The following RPS6KA2 variants were observed in gnomAD, a reference collection of about 807,000 sequenced individuals.
RPS6KA2 encodes the protein ribosomal protein S6 kinase A2.
In RPS6KA2, 42 loss-of-function variants were observed where a neutral mutation model predicts 91.8. The observed-to-expected ratio is 0.46, with a 90% confidence interval of 0.36 to 0.59. The LOEUF (loss-of-function observed/expected upper bound fraction) is 0.59, where lower values mean the gene tolerates loss of function less well. Ranked by LOEUF, RPS6KA2 falls within the 20% of genes least tolerant of loss-of-function variation. The probability of loss-of-function intolerance (pLI) is 0.00; values close to 1 mark genes in which losing one functional copy is unlikely to be tolerated. For synonymous variants in RPS6KA2, 414 were observed against 393.6 expected, an observed-to-expected ratio of 1.05 and a Z score of -0.61; for missense variants, 798 against 978.5, an observed-to-expected ratio of 0.82 and a Z score of 2.46.
At chr6:166,456,567 C>A (rs766819523) in intron 12 of RPS6KA2, among the ~76,000 whole-genome samples, 2 of 152,202 alleles carry the variant, frequency 1.3e-5, no homozygotes, top group Non-Finnish European at 2.9e-5. Flanking sequence ...CCAGCTTGAG[C>A]GCTGGCTGAA....
intron 2 of RPS6KA2, among the ~76,000 whole-genome samples, chr6:166,857,134 G>T (rs1189168527): frequency 6.6e-6 from 1 of 152,224 alleles, no homozygotes; most frequent in African/African-American, 2.4e-5. Context: ...GCATTGGTGT[G>T]CATAGGTTTA....
chr6:166,642,663 C>A (rs9348162), intron 2 of RPS6KA2, among the ~76,000 whole-genome samples: 52 of 151,892 alleles, frequency 3.4e-4, no homozygotes, highest in Non-Finnish European at 7.1e-4. Flanking sequence ...GTGTAATTGC[C>A]AAACTAATAG....
intron 2 of RPS6KA2, among the ~76,000 whole-genome samples, chr6:166,535,424 A>T (rs552232804): frequency 6.6e-6 from 1 of 152,380 alleles, no homozygotes; most frequent in Admixed American, 6.5e-5. Flanking sequence ...ACATGTTCTT[A>T]TCATGCTACC....
chr6:166,767,038 C>T lies in RPS6KA2; in HGVS notation c.123+91162G>A, dbSNP rs80001298. Among the ~76,000 whole-genome samples, 1,217 of 152,312 alleles carry T rather than the reference C, an allele frequency of 8.0e-3. 16 individuals carry two copies. The highest frequency in any genetic ancestry group is 0.026 in the African/African-American group (1,072 of 41,560). ...GCACCCAGAAGTCTGCACCAACTCA[C>T]CGCCACGAGAGTGAATGAAGGTCCC... On this transcript the variant is annotated intron_variant, in intron 2 of 21. Transcript: ENST00000503859. The surrounding 1 kb of genome is among the most constrained non-coding windows in gnomAD (Gnocchi z 4.6).
Position 166,412,667 on chromosome 6 carries a change from T to C in RPS6KA2, c.*95A>G. 1 of 1,289,464 alleles carries C rather than the reference T, an allele frequency of 7.8e-7. No individual in the cohort carries two copies. Among genetic ancestry groups the C allele is most frequent in the Non-Finnish European group, 1.0e-6 (1 of 955,054 alleles). The allele number at this position is 1,289,464 out of a possible 1,614,324, so 79.9% of individuals were successfully genotyped here. A position where few individuals can be genotyped will look rare whatever the true frequency, so the allele number is the denominator to read the frequency against. On this transcript the variant is annotated 3_prime_UTR_variant, in exon 21 of 21. Transcript: ENST00000265678. This position sits in a 1 kb window ranked among gnomAD's most constrained non-coding sequence, Gnocchi z 4.3. ...GGCGGGCGCCGCCTCCCTGCTGGAC[T>C]TGTGGTCACTCTGGGTGCCAGACGG...
Position 166,449,000 on chromosome 6 carries a change from G to A in RPS6KA2, c.1207-151C>T. ...GAGCTCATGGGTCCCCCTGCCCAAGGCTGCAGAGCTACTTAGTGATGTTCT... is the reference window on the plus strand; with the variant it reads ...GAGCTCATGGGTCCCCCTGCCCAAGACTGCAGAGCTACTTAGTGATGTTCT... On this transcript the variant is annotated intron_variant, in intron 13 of 20. Coordinates refer to ENST00000265678, the MANE Select transcript of RPS6KA2 (RefSeq NM_021135.6). This position sits in a 1 kb window ranked among gnomAD's most constrained non-coding sequence, Gnocchi z 4.7. The A allele has an allele frequency of 2.5e-6, 2 of 814,602 alleles. No individual in the cohort carries two copies. Among genetic ancestry groups the A allele is most frequent in the Non-Finnish European group, 3.9e-6 (2 of 515,404 alleles). 50.5% of individuals were successfully genotyped at this position (814,602 alleles called of 1,614,324 possible).
intron 17 of RPS6KA2, among the ~76,000 whole-genome samples, chr6:166,421,569 C>A (rs1413461472): frequency 6.6e-6 from 1 of 152,192 alleles, no homozygotes; most frequent in Non-Finnish European, 1.5e-5. Flanking sequence ...CCCCAAGCTG[C>A]AGCCCCTGGA....
intron 14 of RPS6KA2, among the ~76,000 whole-genome samples, chr6:166,436,926 G>A (rs1011267895): frequency 6.6e-6 from 1 of 152,224 alleles, no homozygotes; most frequent in African/African-American, 2.4e-5. Flanking sequence ...ATCAAGCCAA[G>A]GCTCTGAGAT....
intron 2 of RPS6KA2, among the ~76,000 whole-genome samples, chr6:166,693,166 TG>T (rs1182544830): frequency 6.6e-6 from 1 of 152,184 alleles, no homozygotes; most frequent in Non-Finnish European, 1.5e-5. Context: ...CAAGTCTGCC[TG>T]TCTCCAGCCT....
Position 166,707,481 on chromosome 6 carries a change from T to C in RPS6KA2, c.123+150719A>G, listed in dbSNP as rs75961803. The stretch of plus-strand genomic sequence containing the variant: ...GGAACAAAACCAGGTGACTGGGTGG[T>C]GGGGAAGTGGCAGAGGAATGAAAAT... On this transcript the variant is annotated intron_variant, in intron 2 of 21. Transcript: ENST00000503859. 7.8e-3 allele frequency among the ~76,000 whole-genome samples: 1,186 copies of C among 152,220 alleles called. 23 individuals carry two copies. The highest frequency in any genetic ancestry group is 0.025 in the African/African-American group (1,037 of 41,510).
chr6:166,839,708 GA>G (rs1446270995), intron 2 of RPS6KA2, among the ~76,000 whole-genome samples: 3 of 131,512 alleles, frequency 2.3e-5, no homozygotes, highest in Non-Finnish European at 3.3e-5. Context: ...GAGAGGAGAG[GA>G]GAGGAGAGGC....
chr6:166,652,645 CTTG>C (rs987290979), intron 2 of RPS6KA2, among the ~76,000 whole-genome samples: 3 of 152,140 alleles, frequency 2.0e-5, no homozygotes, highest in East Asian at 1.9e-4. Flanking sequence ...ACTCTGATCT[CTTG>C]TTGTTAAAAT....
At chr6:166,487,303 C>T (rs572104141) in intron 10 of RPS6KA2, among the ~76,000 whole-genome samples, 1 of 152,320 alleles carries the variant, frequency 6.6e-6, no homozygotes, top group East Asian at 1.9e-4. Flanking sequence ...CGGCAGAACA[C>T]CCTGTGACAT....
At chr6:166,855,484 GA>G (rs1780874514) in intron 2 of RPS6KA2, among the ~76,000 whole-genome samples, 4 of 128,418 alleles carry the variant, frequency 3.1e-5, no homozygotes, top group Non-Finnish European at 4.9e-5. Flanking sequence ...GGAAGAAGAA[GA>G]AGAGGAAGAA....
chr6:166,699,294 G>T (rs920327959), intron 2 of RPS6KA2, among the ~76,000 whole-genome samples: 1 of 152,122 alleles, frequency 6.6e-6, no homozygotes, highest in Non-Finnish European at 1.5e-5. Flanking sequence ...AAAGGAAGTG[G>T]GTTCTCAGGA....
chr6:166,536,497 C>T (rs148482041), intron 2 of RPS6KA2, among the ~76,000 whole-genome samples: 2 of 152,336 alleles, frequency 1.3e-5, no homozygotes, highest in East Asian at 1.9e-4. Context: ...TGGACAAATA[C>T]AATTTGTATC....
At chr6:166,577,483 G>A (rs1283765833) in intron 1 of RPS6KA2, among the ~76,000 whole-genome samples, 1 of 152,234 alleles carries the variant, frequency 6.6e-6, no homozygotes, top group Admixed American at 6.5e-5. Flanking sequence ...GCATGACCCG[G>A]AAGTGAGATG....
At chr6:166,657,340 C>CA (rs11309693) in intron 2 of RPS6KA2, among the ~76,000 whole-genome samples, 135 of 142,976 alleles carry the variant, frequency 9.4e-4, no homozygotes, top group Middle Eastern at 3.7e-3. Flanking sequence ...CAAAACAGAA[C>CA]AAAAAAAAAA....
chr6:166,776,315 G>A (rs773923337), intron 2 of RPS6KA2, among the ~76,000 whole-genome samples: 4 of 152,248 alleles, frequency 2.6e-5, no homozygotes, highest in Non-Finnish European at 4.4e-5. Flanking sequence ...AAATGAGGAG[G>A]ACTGGAAGAG....
Sources: allele counts gnomAD v4.1 joint callset (sites outside exome capture counted in the v4.1 genomes callset), GRCh38; gene constraint gnomAD v4.1.1; non-coding constraint Gnocchi (gnomAD v3.1); transcripts MANE v1.5; gene names NCBI Gene and HGNC (gene_info 2026-07-23, HGNC 2026-07-21).